Variants in CEP85 observed in about 807,000 individuals in gnomAD.
CEP85 encodes the protein centrosomal protein of 85 kDa.
In CEP85, 58 loss-of-function variants were observed where a neutral mutation model predicts 93.7. The observed-to-expected ratio is 0.62, with a 90% CI of 0.50 to 0.77. The LOEUF is 0.77. CEP85 is among the 30% of genes least tolerant of loss of function. The pLI, the probability that CEP85 is intolerant of heterozygous loss-of-function variation, is 0.00. For synonymous variants in CEP85, 314 were observed against 338.6 expected, an observed-to-expected ratio of 0.93 and a Z score of 0.80; for missense variants, 868 against 922.0, an observed-to-expected ratio of 0.94 and a Z score of 0.76.
chr1:26,268,661 G>A (rs975122562), intron 8 of CEP85, 26 bp downstream of exon 8: 1 of 1,575,468 alleles, frequency 6.3e-7, no homozygotes, highest in Non-Finnish European at 8.6e-7. Flanking sequence ...TGGCATGCCT[G>A]GGGTGATCAG....
chr1:26,244,071 C>A, intron 2 of CEP85, 95 bp from the exon 3 acceptor site: 1 of 1,085,378 alleles, frequency 9.2e-7, no homozygotes, highest in Non-Finnish European at 1.3e-6. Flanking sequence ...TGGGTTGCTG[C>A]TATTCTCTTA....
chr1:26,271,179 T>G, intron 10 of CEP85, 72 bp downstream of exon 10: 1 of 964,002 alleles, frequency 1.0e-6, no homozygotes, highest in Non-Finnish European at 1.7e-6. Context: ...TTAGGAGGGA[T>G]ACGTGAATTC....
chr1:26,275,292 T>TC (rs1478686109), intron 12 of CEP85, among the ~76,000 whole-genome samples: 1 of 151,784 alleles, frequency 6.6e-6, no homozygotes, highest in African/African-American at 2.4e-5. Flanking sequence ...GGTTTTTTTT[T>TC]TTTTTTTAAG....
chr1:26,266,365 T>C (rs2124601477), intron 7 of CEP85, among the ~76,000 whole-genome samples: 1 of 152,320 alleles, frequency 6.6e-6, no homozygotes, highest in Non-Finnish European at 1.5e-5. Context: ...TCAGCATGGG[T>C]GACAGAGCAA....
intron 1 of CEP85, 108 bp downstream of exon 1, chr1:26,234,418 G>C (rs953832292): frequency 6.6e-6 from 1 of 152,274 alleles, no homozygotes; most frequent in Non-Finnish European, 1.5e-5. Context: ...GTGAGGGGCC[G>C]GGGAGAGCGA....
intron 7 of CEP85, among the ~76,000 whole-genome samples, chr1:26,266,513 G>C (rs2089897783): frequency 6.6e-6 from 1 of 152,204 alleles, no homozygotes; most frequent in Non-Finnish European, 1.5e-5. Flanking sequence ...TTTATGGTCA[G>C]TTTACCATTT....
At position 26,255,744 on chromosome 1, in the gene CEP85, C is replaced by G. The variant is rs374815195; in HGVS notation, c.782C>G (p.Pro261Arg). 1.2e-6 allele frequency: 2 copies of G among 1,614,096 alleles called. No individual in the cohort carries two copies. The highest frequency in any genetic ancestry group is 2.7e-5 in the African/African-American group (2 of 74,926). Residue 261 changes from proline (P) to arginine (R), a missense_variant, in exon 4 of 14, where the codon CCT becomes CGT. Transcript: ENST00000451429. The part of the protein sequence containing the change: ...GLQPAPGLSK[P>R]LPSQVWQPSP... ...CAGCCTGCTCCCGGGCTCTCCAAGC[C>G]TCTGCCCTCTCAGGTGTGGCAGCCG...
intron 12 of CEP85, among the ~76,000 whole-genome samples, chr1:26,276,073 C>G (rs1332414803): frequency 6.8e-6 from 1 of 146,964 alleles, no homozygotes; most frequent in Non-Finnish European, 1.5e-5. Flanking sequence ...CTCTTTATTC[C>G]TCTGACACAC....
intron 6 of CEP85, among the ~76,000 whole-genome samples, 164 bp from the exon 7 acceptor site, chr1:26,259,453 C>T (rs2089772183): frequency 6.6e-6 from 1 of 152,212 alleles, no homozygotes; most frequent in African/African-American, 2.4e-5. Context: ...ATTACATCAT[C>T]AGGTAATGCT....
chr1:26,275,368 C>T (rs2090038954), intron 12 of CEP85, among the ~76,000 whole-genome samples: 1 of 151,822 alleles, frequency 6.6e-6, no homozygotes, highest in Non-Finnish European at 1.5e-5. Context: ...GCAACCTCCG[C>T]CTCCCAGGTT....
chr1:26,265,108 C>T (rs940504051), intron 7 of CEP85, among the ~76,000 whole-genome samples: 3 of 151,262 alleles, frequency 2.0e-5, no homozygotes, highest in Non-Finnish European at 2.9e-5. Context: ...CTCAGCCTCC[C>T]GAGTAGCTGG....
chr1:26,255,689 A>T lies in CEP85; in HGVS notation c.727A>T (p.Asn243Tyr), dbSNP rs150424067. 4 of 1,613,996 alleles carry T rather than the reference A, an allele frequency of 2.5e-6. No homozygotes were observed. In the African/African-American group the frequency reaches 4.0e-5, roughly 16 times the overall value. Residue 243 changes from asparagine (N) to tyrosine (Y), a missense_variant, in exon 4 of 14, where the codon AAT (asparagine) becomes TAT (tyrosine). Physicochemically the swap from Asn to Tyr is moderately radical, Grantham distance 143. Transcript: ENST00000451429. Reference protein sequence around the residue: ...AVFERNGPHSNSSGVLPLGLQ... With the variant: ...AVFERNGPHSYSSGVLPLGLQ... ...GTTTGAGCGGAATGGACCACATTCT[A>T]ATAGCAGTGGGGTCCTCCCTTTGGG...
intron 11 of CEP85, among the ~76,000 whole-genome samples, chr1:26,272,865 G>A (rs2089999211): frequency 6.6e-6 from 1 of 152,054 alleles, no homozygotes; most frequent in Admixed American, 6.6e-5. Context: ...CTGACCTCAG[G>A]TGATCTGCCC....
chr1:26,241,903 A>AG (rs2089433501), intron 2 of CEP85, among the ~76,000 whole-genome samples: 1 of 151,950 alleles, frequency 6.6e-6, no homozygotes, highest in Admixed American at 6.6e-5. Context: ...CTGGGATTAC[A>AG]GGCATGCACC....
At chr1:26,244,382 A>G (rs2089478046) in intron 3 of CEP85, 64 bp downstream of exon 3, 1 of 1,433,424 alleles carries the variant, frequency 7.0e-7, no homozygotes, top group South Asian at 1.2e-5. Context: ...CATTTTGGGT[A>G]TATTGGCATT....
intron 1 of CEP85, among the ~76,000 whole-genome samples, chr1:26,236,090 T>C (rs544667784): frequency 6.6e-6 from 1 of 152,348 alleles, no homozygotes; most frequent in East Asian, 1.9e-4. Context: ...TTTTTGTGTT[T>C]TGTCACATGT....
At chr1:26,252,732 CGT>C (rs1188253566) in intron 3 of CEP85, among the ~76,000 whole-genome samples, 1 of 152,042 alleles carries the variant, frequency 6.6e-6, no homozygotes, top group East Asian at 1.9e-4. Context: ...TGTTTTGTTA[CGT>C]GTGTGTGTGT....
intron 3 of CEP85, among the ~76,000 whole-genome samples, chr1:26,252,258 G>C (rs150584773): frequency 0.012 from 1,708 of 147,420 alleles, 32 homozygotes; most frequent in African/African-American, 0.041. Flanking sequence ...TTGGGCCGGG[G>C]GCAGTGGCTC....
intron 3 of CEP85, among the ~76,000 whole-genome samples, chr1:26,246,247 T>C (rs1378705784): frequency 1.3e-5 from 2 of 152,128 alleles, no homozygotes; most frequent in Non-Finnish European, 2.9e-5. Context: ...CTCTTAGATA[T>C]ATACCCAGGA....
Sources: gnomAD v4.1 joint callset for allele counts (sites outside exome capture counted in the v4.1 genomes callset) on GRCh38, gnomAD v4.1.1 for gene constraint, MANE v1.5 for transcripts, NCBI Gene and HGNC (gene_info 2026-07-23, HGNC 2026-07-21) for gene names.